The following CLEC2L variants were observed in gnomAD, a reference collection of about 807,000 sequenced individuals.
CLEC2L encodes C-type lectin domain family 2 member L.
CLEC2L carries 14 observed loss-of-function variants against 23.6 expected under a neutral mutation model. The observed-to-expected ratio is 0.59, with a 90% CI of 0.39 to 0.93. CLEC2L has a LOEUF of 0.93. CLEC2L is among the 40% of genes least tolerant of loss of function. The pLI is 0.00. For synonymous variants in CLEC2L, 114 were observed against 121.3 expected (o/e 0.94, Z 0.40); for missense variants, 264 against 282.4 (o/e 0.93, Z 0.47).
intron 1 of CLEC2L, among the ~76,000 whole-genome samples, chr7:139,533,321 A>G (rs553078630): frequency 1.2e-3 from 186 of 152,358 alleles, no homozygotes; most frequent in Middle Eastern, 3.4e-3. Flanking sequence ...AAGAGTTGAC[A>G]GTGGTTGGCT....
chr7:139,534,309 A>C (rs1585199561), intron 1 of CLEC2L: 1 of 1,462,502 alleles, frequency 6.8e-7, no homozygotes, highest in East Asian at 2.3e-5. Context: ...CTGACTACGA[A>C]TCTGTGAATG....
intron 1 of CLEC2L, among the ~76,000 whole-genome samples, chr7:139,535,996 C>T (rs1235468947): frequency 6.6e-6 from 1 of 152,212 alleles, no homozygotes; most frequent in Non-Finnish European, 1.5e-5. Flanking sequence ...ATCAGAATCA[C>T]CTGGAGGGCT....
chr7:139,524,123 C>A lies in CLEC2L; in HGVS notation c.190+6C>A. On this transcript the variant is annotated splice_donor_region_variant and intron_variant, in intron 1 of 4. Transcript: ENST00000422142. Reference sequence around the variant, plus strand: ...CTGGAAGGCGGCCTTGGAGGGTAAGCGCGGAGCGGCCTCCCTCTCCTGGCC... The same window carrying A: ...CTGGAAGGCGGCCTTGGAGGGTAAGAGCGGAGCGGCCTCCCTCTCCTGGCC... The A allele has an allele frequency of 8.2e-7, 1 of 1,224,762 alleles. No individual in the cohort carries two copies. The highest frequency in any genetic ancestry group is 1.0e-6 in the Non-Finnish European group (1 of 980,934). The allele number at this position is 1,224,762 out of a possible 1,614,324, so 75.9% of individuals were successfully genotyped here. A position where few individuals can be genotyped will look rare whatever the true frequency, so the allele number is the denominator to read the frequency against.
intron 1 of CLEC2L, among the ~76,000 whole-genome samples, chr7:139,528,607 A>G (rs368168431): frequency 3.8e-4 from 58 of 152,308 alleles, no homozygotes; most frequent in African/African-American, 1.2e-3. Context: ...CCATGATTCA[A>G]TTACCTCCCA....
At position 139,525,097 on chromosome 7, in the gene CLEC2L, G is replaced by C. The variant is rs537630578; in HGVS notation, c.190+980G>C. On this transcript the variant is annotated intron_variant, in intron 1 of 4. Coordinates refer to ENST00000422142, the MANE Select transcript of CLEC2L (RefSeq NM_001080511.4). The stretch of plus-strand genomic sequence containing the variant: ...GAGTACTGAGATGGGGCAGGGTGGA[G>C]AGAGACGGGCCTGAAGGACCCAGAC... 2.0e-5 allele frequency among the ~76,000 whole-genome samples: 3 copies of C among 152,184 alleles called. No homozygotes were observed. The South Asian group carries it at 6.2e-4, about 32-fold the overall frequency.
chr7:139,530,275 A>G (rs1320450221), intron 1 of CLEC2L, among the ~76,000 whole-genome samples: 1 of 152,138 alleles, frequency 6.6e-6, no homozygotes, highest in Non-Finnish European at 1.5e-5. Flanking sequence ...GCAACAAAAT[A>G]GAGAGCTAAG....
intron 2 of CLEC2L, among the ~76,000 whole-genome samples, chr7:139,536,712 C>T (rs561999143): frequency 1.1e-4 from 17 of 151,966 alleles, no homozygotes; most frequent in African/African-American, 1.4e-4. Context: ...CAGTGGCTCA[C>T]GCCTGTAATC....
At chr7:139,543,987 A>C (rs1797772992) in intron 4 of CLEC2L, among the ~76,000 whole-genome samples, 1 of 152,160 alleles carries the variant, frequency 6.6e-6, no homozygotes, top group African/African-American at 2.4e-5. Flanking sequence ...AGAATGGGGA[A>C]GTGCATGTGT....
intron 1 of CLEC2L, among the ~76,000 whole-genome samples, chr7:139,529,128 A>C (rs906430193): frequency 6.6e-6 from 1 of 152,162 alleles, no homozygotes; most frequent in South Asian, 2.1e-4. Flanking sequence ...ACCCCAAAGC[A>C]CAGTCCTTAC....
chr7:139,536,971 C>A (rs891165924), intron 2 of CLEC2L, among the ~76,000 whole-genome samples: 1 of 106,632 alleles, frequency 9.4e-6, no homozygotes, highest in African/African-American at 4.5e-5. Context: ...AGAAAGACTC[C>A]ATCTCAAAAA....
At chr7:139,533,958 G>A (rs1359463064) in intron 1 of CLEC2L, among the ~76,000 whole-genome samples, 2 of 152,064 alleles carry the variant, frequency 1.3e-5, no homozygotes, top group East Asian at 1.9e-4. Flanking sequence ...CAAAGTGGGG[G>A]CACAACAATG....
At position 139,540,531 on chromosome 7, in the gene CLEC2L, G is replaced by T; in HGVS notation, c.432+44G>T. On this transcript the variant is annotated intron_variant, in intron 3 of 4. Coordinates refer to ENST00000422142, the MANE Select transcript of CLEC2L (RefSeq NM_001080511.4). The surrounding 1 kb of genome is among the most constrained non-coding windows in gnomAD (Gnocchi z 5.8). ...AGGGGGTTGGGGGAAGGGACCCTCAGGGCCCCCAACCTTGACTCTAGGGGA... is the reference window on the plus strand; with the variant it reads ...AGGGGGTTGGGGGAAGGGACCCTCATGGCCCCCAACCTTGACTCTAGGGGA... 6.4e-7 allele frequency: 1 copy of T among 1,554,942 alleles called. No homozygotes were observed. Among genetic ancestry groups the T allele is most frequent in the Non-Finnish European group, 8.7e-7 (1 of 1,149,672 alleles).
At chr7:139,543,014 T>C (rs2116329957) in intron 4 of CLEC2L, among the ~76,000 whole-genome samples, 1 of 152,190 alleles carries the variant, frequency 6.6e-6, no homozygotes, top group South Asian at 2.1e-4. Context: ...CCGATGATGA[T>C]GATGATGCGT....
chr7:139,536,930 G>C lies in CLEC2L; in HGVS notation c.265+582G>C, dbSNP rs528731208. On this transcript the variant is annotated intron_variant, in intron 2 of 4. Coordinates refer to ENST00000422142, the MANE Select transcript of CLEC2L (RefSeq NM_001080511.4). ...GCAGAGGTTGCAGTGAGTTGAGATC[G>C]CACACCACCGCACTCCACCCTGGGC... Among the ~76,000 whole-genome samples the C allele has an allele frequency of 2.3e-5, 3 of 131,288 alleles. No individual in the cohort carries two copies. In the South Asian group the frequency reaches 7.1e-4, roughly 31 times the overall value. 86.1% of individuals were successfully genotyped at this position (131,288 alleles called of 152,430 possible).
chr7:139,529,784 G>A (rs1010605012), intron 1 of CLEC2L, among the ~76,000 whole-genome samples: 1 of 152,122 alleles, frequency 6.6e-6, no homozygotes, highest in African/African-American at 2.4e-5. Context: ...AACAGTAAAG[G>A]GGCCAGGAGC....
At position 139,530,052 on chromosome 7, in the gene CLEC2L, C is replaced by T. The variant is rs186987639; in HGVS notation, c.190+5935C>T. 2.4e-3 allele frequency among the ~76,000 whole-genome samples: 365 copies of T among 150,202 alleles called. 1 individual carries two copies. The highest frequency in any genetic ancestry group is 4.5e-3 in the Non-Finnish European group (307 of 67,754). On this transcript the variant is annotated intron_variant, in intron 1 of 4. Coordinates refer to ENST00000422142, the MANE Select transcript of CLEC2L (RefSeq NM_001080511.4). Reference sequence around the variant, plus strand: ...AAACAAAATTAGCCAGGCATGGTGGCACGTGCCTCTAATCCCAGCTACTCA... The same window carrying T: ...AAACAAAATTAGCCAGGCATGGTGGTACGTGCCTCTAATCCCAGCTACTCA...
chr7:139,524,079 G>T lies in CLEC2L; in HGVS notation c.152G>T (p.Gly51Val). 6.5e-6 allele frequency: 8 copies of T among 1,226,786 alleles called. No homozygotes were observed. The highest frequency in any genetic ancestry group is 8.1e-6 in the Non-Finnish European group (8 of 982,316). 76.0% of individuals were successfully genotyped at this position (1,226,786 alleles called of 1,614,324 possible). A position where few individuals can be genotyped will look rare whatever the true frequency, so the allele number is the denominator to read the frequency against. ...PEGLLRRSGS[G>V]YEGSTSWKAA... is the part of the protein sequence containing the mutation. ...GGGCTGCTGCGGCGATCCGGGTCGG[G>T]CTACGAGGGCAGCACCAGCTGGAAG... Residue 51 changes from glycine (G) to valine (V), a missense_variant, in exon 1 of 5, where the codon GGC (glycine) becomes GTC (valine). Coordinates refer to ENST00000422142, the MANE Select transcript of CLEC2L (RefSeq NM_001080511.4).
rs4081612 is a variant in CLEC2L at position 139,534,511 on chromosome 7, A to G, written c.191-1763A>G. On this transcript the variant is annotated intron_variant, in intron 1 of 4. Transcript: ENST00000422142. ...AAAAAAAGACTGGATTAAAGAGAAG[A>G]TCTACATGCTTCTTCATCGGCAGGC... 7.2e-3 allele frequency: 5,592 copies of G among 774,906 alleles called. 212 individuals are homozygous for G. In the African/African-American group the frequency reaches 0.082, roughly 11 times the overall value. 48.0% of individuals were successfully genotyped at this position (774,906 alleles called of 1,614,324 possible).
chr7:139,544,233 T>G lies in CLEC2L; in HGVS notation c.536T>G (p.Phe179Cys). ...VNGDPFDPDTFTIAGPGECVF... is the reference protein window; with the variant it reads ...VNGDPFDPDTCTIAGPGECVF... Reference sequence around the variant, plus strand: ...CTGGTCTTCTCTCCTGGCCACAGGTTCACCATCGCAGGTCCAGGGGAGTGT... The same window carrying G: ...CTGGTCTTCTCTCCTGGCCACAGGTGCACCATCGCAGGTCCAGGGGAGTGT... The change falls in exon 5 of 5, where the codon TTC becomes TGC. Residue 179 changes from phenylalanine to cysteine, a missense_variant and splice_region_variant. By Grantham distance (205) the Phe-to-Cys change is radical (BLOSUM62 -2). Coordinates refer to ENST00000422142, the MANE Select transcript of CLEC2L (RefSeq NM_001080511.4). 1 of 1,611,902 alleles carries G rather than the reference T, an allele frequency of 6.2e-7. No homozygotes were observed. Among genetic ancestry groups the G allele is most frequent in the Non-Finnish European group, 8.5e-7 (1 of 1,178,626 alleles).
Sources: gnomAD v4.1 joint callset for allele counts (sites outside exome capture counted in the v4.1 genomes callset) on GRCh38, gnomAD v4.1.1 for gene constraint, Gnocchi (gnomAD v3.1) non-coding constraint, MANE v1.5 for transcripts, NCBI Gene and HGNC (gene_info 2026-07-23, HGNC 2026-07-21) for gene names.